The following IFT81 variants were observed in gnomAD, a reference collection of about 807,000 sequenced individuals.
IFT81 encodes intraflagellar transport protein 81 homolog.
In IFT81, 72 loss-of-function variants were observed where a neutral mutation model predicts 102.6. The observed-to-expected ratio is 0.70, with a 90% CI of 0.58 to 0.85. IFT81 has a LOEUF of 0.85. Ranked by LOEUF, IFT81 falls within the 40% of genes least tolerant of loss-of-function variation. The pLI is 0.00. For synonymous variants in IFT81, 237 were observed against 242.7 expected (o/e 0.98, Z 0.22); for missense variants, 723 against 787.3 (o/e 0.92, Z 0.98).
At chr12:110,128,255 A>G in intron 3 of IFT81, 106 bp downstream of exon 3, 1 of 686,512 alleles carries the variant, frequency 1.5e-6, no homozygotes, top group Non-Finnish European at 2.6e-6. Context: ...CCCTCATTTG[A>G]TGGCCTGAGA....
intron 12 of IFT81, among the ~76,000 whole-genome samples, chr12:110,185,815 G>A: frequency 6.6e-6 from 1 of 151,226 alleles, no homozygotes; most frequent in Non-Finnish European, 1.5e-5. Context: ...GTCCAGGCTG[G>A]CCTCAAACTC....
At chr12:110,161,060 T>G (rs1301898308) in intron 10 of IFT81, among the ~76,000 whole-genome samples, 1 of 152,052 alleles carries the variant, frequency 6.6e-6, no homozygotes, top group Non-Finnish European at 1.5e-5. Flanking sequence ...TATTTTATCA[T>G]GTTATTTATT....
chr12:110,204,247 T>G (rs1055852915), intron 15 of IFT81: 2 of 283,470 alleles, frequency 7.1e-6, no homozygotes, highest in Non-Finnish European at 1.3e-5. Context: ...TTCTTTAATT[T>G]GTACACACTT....
intron 11 of IFT81, among the ~76,000 whole-genome samples, chr12:110,176,773 A>G (rs1242397350): frequency 3.9e-5 from 6 of 152,262 alleles, no homozygotes; most frequent in Admixed American, 2.0e-4. Context: ...GTTATTATAT[A>G]TAATGAATAT....
rs145019642 is a variant in IFT81 at position 110,164,024 on chromosome 12, T to C, written c.1188+959T>C. 4.3e-4 allele frequency among the ~76,000 whole-genome samples: 65 copies of C among 152,274 alleles called. No individual in the cohort carries two copies. The East Asian group carries it at 0.012, about 28-fold the overall frequency. ...AGCAAACAGATAATACAAAAATCTATATTTGTTGGTAAATGCATTTCCATA... is the reference window on the plus strand; with the variant it reads ...AGCAAACAGATAATACAAAAATCTACATTTGTTGGTAAATGCATTTCCATA... On this transcript the variant is annotated intron_variant, in intron 11 of 18. Transcript: ENST00000242591.
At chr12:110,170,897 G>A (rs1195903359) in intron 11 of IFT81, among the ~76,000 whole-genome samples, 6 of 152,280 alleles carry the variant, frequency 3.9e-5, no homozygotes, top group African/African-American at 1.4e-4. Flanking sequence ...AGCTAAATTG[G>A]AAAGATTATG....
At chr12:110,173,790 A>T (rs1358215688) in intron 11 of IFT81, among the ~76,000 whole-genome samples, 1 of 151,624 alleles carries the variant, frequency 6.6e-6, no homozygotes, top group Non-Finnish European at 1.5e-5. Context: ...AGTCATCACC[A>T]CTCCCTAATC....
In IFT81 at chr12:110,178,056, C is replaced by CT. The variant is rs546137818; in HGVS notation, c.1189-2365dup. On this transcript the variant is annotated intron_variant, in intron 11 of 18. Coordinates refer to ENST00000242591, the MANE Select transcript of IFT81 (RefSeq NM_014055.4). ...GCTGCAGTGAGCCAAGATTGCGCCA[C>CT]TGTACTCCAGCCTAGGTGACAGAGC... Among the ~76,000 whole-genome samples the CT allele has an allele frequency of 1.5e-4, 22 of 151,540 alleles. 1 individual carries two copies. The South Asian group carries it at 4.4e-3, about 30-fold the overall frequency.
intron 17 of IFT81, among the ~76,000 whole-genome samples, chr12:110,206,653 C>T (rs921064843): frequency 3.5e-5 from 5 of 141,888 alleles, no homozygotes; most frequent in South Asian, 2.2e-4. Flanking sequence ...CCAGCCTGAG[C>T]GACAAAGGGA....
At chr12:110,175,577 A>C (rs1457884693) in intron 11 of IFT81, among the ~76,000 whole-genome samples, 1 of 152,208 alleles carries the variant, frequency 6.6e-6, no homozygotes, top group Non-Finnish European at 1.5e-5. Flanking sequence ...TTTTTAAAAA[A>C]CTCGTCCTTT....
At chr12:110,154,860 T>C (rs1449512951) in intron 10 of IFT81, among the ~76,000 whole-genome samples, 1 of 152,034 alleles carries the variant, frequency 6.6e-6, no homozygotes, top group African/African-American at 2.4e-5. Flanking sequence ...TCAGCCTCTA[T>C]ATGTCTCAGT....
chr12:110,208,673 AGTTT>A (rs1480432848), intron 17 of IFT81, among the ~76,000 whole-genome samples: 1 of 152,160 alleles, frequency 6.6e-6, no homozygotes, highest in Non-Finnish European at 1.5e-5. Context: ...ATAGACATTT[AGTTT>A]GTTTGCATAT....
intron 12 of IFT81, 128 bp downstream of exon 12, chr12:110,180,699 C>G (rs953407865): frequency 3.4e-6 from 2 of 585,682 alleles, no homozygotes; most frequent in African/African-American, 1.8e-5. Context: ...TGATTAATTA[C>G]AGACATGACA....
At chr12:110,196,155 G>A (rs778938350) in intron 14 of IFT81, among the ~76,000 whole-genome samples, 3 of 152,150 alleles carry the variant, frequency 2.0e-5, no homozygotes, top group Non-Finnish European at 2.9e-5. Flanking sequence ...TGTGCTTAAT[G>A]CCAACTGAAT....
At chr12:110,144,892 A>G (rs1593295565) in intron 9 of IFT81, among the ~76,000 whole-genome samples, 1 of 113,710 alleles carries the variant, frequency 8.8e-6, no homozygotes, top group Admixed American at 9.6e-5. Flanking sequence ...TTTTTGACGG[A>G]ACTTGCTCTG....
At chr12:110,135,561 C>T (rs959455012) in intron 7 of IFT81, 124 bp downstream of exon 7, 3 of 596,330 alleles carry the variant, frequency 5.0e-6, no homozygotes, top group African/African-American at 3.8e-5. Context: ...TAATGGAATA[C>T]TCTTTTAATT....
chr12:110,171,929 C>T (rs894306688), intron 11 of IFT81: 25 of 152,284 alleles, frequency 1.6e-4, no homozygotes, highest in African/African-American at 6.0e-4. Flanking sequence ...TCCCTTGGGC[C>T]AATTCCTGTA....
chr12:110,163,628 T>A (rs1005216333), intron 11 of IFT81, among the ~76,000 whole-genome samples: 38 of 150,816 alleles, frequency 2.5e-4, no homozygotes, highest in Admixed American at 2.5e-3. Context: ...TTTTTTTTTT[T>A]TTTTTGAGAC....
chr12:110,215,894 A>G lies in IFT81; in HGVS notation c.1849-2150A>G, dbSNP rs144127290. ...AGGTGGACCATCTAAGATGTTAGTA[A>G]CAAAAACAATTCTAAGAAGGATTTT... On this transcript the variant is annotated intron_variant, in intron 18 of 18. Coordinates refer to ENST00000242591, the MANE Select transcript of IFT81 (RefSeq NM_014055.4). Among the ~76,000 whole-genome samples, 463 of 152,226 alleles carry G rather than the reference A, an allele frequency of 3.0e-3. 7 individuals carry two copies. Among genetic ancestry groups the G allele is most frequent in the African/African-American group, 0.011 (450 of 41,524 alleles).
Sources: gnomAD v4.1 joint callset for allele counts (sites outside exome capture counted in the v4.1 genomes callset) on GRCh38, gnomAD v4.1.1 for gene constraint, MANE v1.5 for transcripts, NCBI Gene and HGNC (gene_info 2026-07-23, HGNC 2026-07-21) for gene names.